CSMD3: variants seen among roughly 807,000 people sequenced by gnomAD.
The protein encoded by CSMD3 is CUB and Sushi multiple domains 3.
CSMD3 carries 177 observed loss-of-function variants against 435.2 expected under a neutral mutation model. That is an observed-to-expected ratio of 0.41 (90% CI 0.36 to 0.46). The LOEUF (loss-of-function observed/expected upper bound fraction) is 0.46, where lower values mean the gene tolerates loss of function less well. Ranked by LOEUF, CSMD3 falls within the 20% of genes least tolerant of loss-of-function variation. CSMD3 has a pLI of 0.34. For synonymous variants in CSMD3, 1,656 were observed against 1,520.5 expected, an observed-to-expected ratio of 1.09 and a Z score of -2.07; for missense variants, 4,265 against 4,504.6, an observed-to-expected ratio of 0.95 and a Z score of 1.52.
chr8:112,264,970 T>G (rs1816797045), intron 60 of CSMD3, among the ~76,000 whole-genome samples: 3 of 152,014 alleles, frequency 2.0e-5, no homozygotes, highest in African/African-American at 7.2e-5. Flanking sequence ...TTTTTCCCAT[T>G]ATTTAAGAAA....
intron 55 of CSMD3, 89 bp from the exon 56 acceptor site, chr8:112,291,784 T>G (rs1288942870): frequency 1.1e-5 from 9 of 847,488 alleles, no homozygotes; most frequent in Non-Finnish European, 1.7e-5. Context: ...ATACTTAGTT[T>G]CAAAAGTAAA....
intron 22 of CSMD3, among the ~76,000 whole-genome samples, chr8:112,600,765 C>T (rs1425848464): frequency 6.6e-6 from 1 of 151,966 alleles, no homozygotes; most frequent in African/African-American, 2.4e-5. Context: ...GCAAGCTCCA[C>T]CTCCCAAGTT....
At chr8:112,740,107 A>C (rs982111582) in intron 13 of CSMD3, among the ~76,000 whole-genome samples, 1 of 151,768 alleles carries the variant, frequency 6.6e-6, no homozygotes, top group Non-Finnish European at 1.5e-5. Flanking sequence ...TCTGTATACA[A>C]ATATTTTGAA....
intron 12 of CSMD3, among the ~76,000 whole-genome samples, chr8:112,805,877 G>GA (rs2079073976): frequency 1.3e-5 from 2 of 152,216 alleles, no homozygotes; most frequent in African/African-American, 4.8e-5. Flanking sequence ...CCCAGTGGGG[G>GA]ATCTGTAAGT....
At chr8:112,274,851 G>T (rs549362694) in intron 59 of CSMD3, among the ~76,000 whole-genome samples, 1 of 152,230 alleles carries the variant, frequency 6.6e-6, no homozygotes, top group Non-Finnish European at 1.5e-5. Flanking sequence ...TAGTAATGAC[G>T]TACATAAATA....
chr8:112,712,950 G>A (rs1437088893), intron 13 of CSMD3, among the ~76,000 whole-genome samples: 1 of 152,114 alleles, frequency 6.6e-6, no homozygotes, highest in Non-Finnish European at 1.5e-5. Flanking sequence ...CTAAGGGGCA[G>A]GGCCAAGATG....
chr8:112,590,520 A>C (rs934754350), intron 22 of CSMD3, among the ~76,000 whole-genome samples: 5 of 152,154 alleles, frequency 3.3e-5, no homozygotes, highest in African/African-American at 9.6e-5. Context: ...TCTTTGTGCA[A>C]GGTTGATCTA....
chr8:112,899,895 G>A (rs865957024), intron 10 of CSMD3, among the ~76,000 whole-genome samples: 3 of 150,046 alleles, frequency 2.0e-5, no homozygotes, highest in East Asian at 2.0e-4. Context: ...TAGTTTTGTC[G>A]CTTAACAGGA....
intron 4 of CSMD3, among the ~76,000 whole-genome samples, chr8:113,124,313 T>C (rs557187325): frequency 6.6e-6 from 1 of 152,098 alleles, no homozygotes; most frequent in Admixed American, 6.6e-5. Context: ...ACATGATCAG[T>C]TTACATTACT....
At chr8:112,289,680 G>A (rs553188206) in intron 56 of CSMD3, 142 bp from the exon 57 acceptor site, 2 of 595,170 alleles carry the variant, frequency 3.4e-6, no homozygotes, top group South Asian at 5.2e-5. Context: ...CTATGTTGAA[G>A]GTGTCTTTTT....
chr8:112,244,280 T>C, intron 65 of CSMD3, 114 bp downstream of exon 65: 1 of 846,368 alleles, frequency 1.2e-6, no homozygotes, highest in East Asian at 2.6e-5. Flanking sequence ...GACTTGGAGT[T>C]AGCCAACAAA....
At chr8:112,477,493 T>C (rs941776113) in intron 31 of CSMD3, among the ~76,000 whole-genome samples, 20 of 152,130 alleles carry the variant, frequency 1.3e-4, no homozygotes, top group African/African-American at 4.3e-4. Flanking sequence ...TGGTGGGGTC[T>C]GGTGGGAAGT....
intron 35 of CSMD3, among the ~76,000 whole-genome samples, chr8:112,403,175 A>G (rs937751568): frequency 6.6e-6 from 1 of 152,208 alleles, no homozygotes; most frequent in African/African-American, 2.4e-5. Context: ...ATTGGGAAAT[A>G]GCTTATAAGT....
intron 1 of CSMD3, among the ~76,000 whole-genome samples, chr8:113,350,944 T>C (rs1046526297): frequency 1.3e-5 from 2 of 151,974 alleles, no homozygotes; most frequent in African/African-American, 4.8e-5. Context: ...GTTCTTTAGA[T>C]CTAATTTCCA....
intron 27 of CSMD3, among the ~76,000 whole-genome samples, chr8:112,532,350 C>T (rs1253562086): frequency 2.0e-5 from 3 of 151,978 alleles, no homozygotes; most frequent in Non-Finnish European, 2.9e-5. Flanking sequence ...ATATGAATAT[C>T]CAGGTATAAA....
chr8:112,372,058 A>G (rs1328365998), intron 38 of CSMD3, among the ~76,000 whole-genome samples: 1 of 152,134 alleles, frequency 6.6e-6, no homozygotes, highest in Non-Finnish European at 1.5e-5. Context: ...AACAAAAAAC[A>G]TGAACACTGA....
chr8:113,082,072 A>G lies in CSMD3; in HGVS notation c.917+16684T>C, dbSNP rs116457658. On this transcript the variant is annotated intron_variant, in intron 5 of 70. Coordinates refer to ENST00000297405, the MANE Select transcript of CSMD3 (RefSeq NM_198123.2). ...TGTGCCACTCACCATCCCAAGGACT[A>G]GCCTGCTGGGGCCCACTGCAAGCAC... 4.1e-3 allele frequency among the ~76,000 whole-genome samples: 631 copies of G among 152,176 alleles called. 5 individuals are homozygous for G. The highest frequency in any genetic ancestry group is 0.015 in the African/African-American group (607 of 41,504).
At chr8:113,355,208 T>A (rs546315532) in intron 1 of CSMD3, among the ~76,000 whole-genome samples, 1 of 152,184 alleles carries the variant, frequency 6.6e-6, no homozygotes, top group African/African-American at 2.4e-5. Flanking sequence ...CTATCTATAT[T>A]CCTAATGTGG....
Position 112,281,217 on chromosome 8 carries a change from G to A in CSMD3, c.9465C>T (p.Cys3155=), listed in dbSNP as rs1304798674. The change falls in exon 59 of 71, where the codon TGC becomes TGT. Residue 3155 remains cysteine, a synonymous_variant. Transcript: ENST00000297405. ...YILSGPSVRQ[C]TANGTWSGTL... is the part of the protein sequence containing the mutation. ...TTCCAGACCATGTTCCATTGGCTGT[G>A]CACTGTCTAACTGAAGGTCCAGAAA... 15 of 1,613,262 alleles carry A rather than the reference G, an allele frequency of 9.3e-6. No individual in the cohort carries two copies. Among genetic ancestry groups the A allele is most frequent in the Non-Finnish European group, 1.3e-5 (15 of 1,179,374 alleles).
Sources: allele counts gnomAD v4.1 joint callset (sites outside exome capture counted in the v4.1 genomes callset), GRCh38; gene constraint gnomAD v4.1.1; transcripts MANE v1.5; gene names NCBI Gene and HGNC (gene_info 2026-07-23, HGNC 2026-07-21).